The following CRIM1 variants were observed in gnomAD, a reference collection of about 807,000 sequenced individuals.
The protein encoded by CRIM1 is cysteine rich transmembrane BMP regulator 1, also known as cysteine-rich motor neuron 1 protein.
In CRIM1, 32 loss-of-function variants were observed where a neutral mutation model predicts 116.4. The ratio of observed to expected loss-of-function variants is 0.27; its 90% CI spans 0.21 to 0.37. The LOEUF (loss-of-function observed/expected upper bound fraction) is 0.37, where lower values mean the gene tolerates loss of function less well. Among genes scored for constraint, CRIM1 ranks in the 10% least tolerant of loss-of-function variants. The pLI, the probability that CRIM1 is intolerant of heterozygous loss-of-function variation, is 1.00. For missense variants in CRIM1, 1,331 were observed against 1,354.8 expected (o/e 0.98, Z 0.28); for synonymous variants, 590 against 509.2 (o/e 1.16, Z -2.13).
At chr2:36,506,254 C>T (rs147657481) in intron 8 of CRIM1, among the ~76,000 whole-genome samples, 3 of 151,536 alleles carry the variant, frequency 2.0e-5, no homozygotes, top group East Asian at 3.9e-4. Context: ...GTTCACCTAA[C>T]GTGCACATCT....
chr2:36,394,102 G>T (rs1008194808), intron 1 of CRIM1, among the ~76,000 whole-genome samples: 1 of 152,158 alleles, frequency 6.6e-6, no homozygotes, highest in African/African-American at 2.4e-5. Flanking sequence ...AGAATGGTGG[G>T]AAGGGATGTT....
intron 2 of CRIM1, among the ~76,000 whole-genome samples, chr2:36,401,829 C>A (rs1372835052): frequency 6.6e-6 from 1 of 152,174 alleles, no homozygotes; most frequent in Non-Finnish European, 1.5e-5. Flanking sequence ...TTTATTTCAT[C>A]CAGCAAGTAT....
intron 4 of CRIM1, among the ~76,000 whole-genome samples, chr2:36,443,441 A>C (rs545977799): frequency 2.5e-4 from 38 of 152,286 alleles, no homozygotes; most frequent in African/African-American, 8.9e-4. Context: ...TAGGGTTTAC[A>C]GTCTGTTTTC....
chr2:36,529,941 G>T (rs1241856425), intron 13 of CRIM1, among the ~76,000 whole-genome samples: 2 of 152,176 alleles, frequency 1.3e-5, no homozygotes, highest in African/African-American at 4.8e-5. Flanking sequence ...TGCTTTCACA[G>T]CAATTAAGAT....
At chr2:36,508,683 G>A (rs1681596694) in intron 8 of CRIM1, among the ~76,000 whole-genome samples, 1 of 152,098 alleles carries the variant, frequency 6.6e-6, no homozygotes, top group South Asian at 2.1e-4. Context: ...CAACTTGCTT[G>A]CTTTATATAA....
rs750151277 is a variant in CRIM1, at chr2:36,479,671, G to A, written c.1349G>A (p.Gly450Glu). The A allele has an allele frequency of 1.2e-6, 2 of 1,614,162 alleles. No homozygotes were observed. Among genetic ancestry groups the A allele is most frequent in the East Asian group, 2.2e-5 (1 of 44,882 alleles). The change falls in exon 7 of 17, where the codon GGG (glycine) becomes GAG (glutamate). Residue 450 changes from glycine (G) to glutamate (E), a missense_variant. Gly to Glu is a moderately conservative substitution (Grantham distance 98, BLOSUM62 -2). Transcript: ENST00000280527. ...TGCACAAACCCTGTGAAAGTGCCTGGGGAGTGTTGCCCTGTGTGCGAAGGT... is the reference window on the plus strand; with the variant it reads ...TGCACAAACCCTGTGAAAGTGCCTGAGGAGTGTTGCCCTGTGTGCGAAGGT... Reference protein sequence around the residue: ...QTCTNPVKVPGECCPVCEEPT... With the variant: ...QTCTNPVKVPEECCPVCEEPT...
At chr2:36,414,485 C>T (rs1452955495) in intron 2 of CRIM1, among the ~76,000 whole-genome samples, 1 of 152,138 alleles carries the variant, frequency 6.6e-6, no homozygotes, top group African/African-American at 2.4e-5. Flanking sequence ...GCAAACAAGA[C>T]AGATAAGGTT....
At chr2:36,532,304 A>G (rs1436572347) in intron 13 of CRIM1, among the ~76,000 whole-genome samples, 1 of 152,206 alleles carries the variant, frequency 6.6e-6, no homozygotes, top group African/African-American at 2.4e-5. Context: ...GTTTGTTTTA[A>G]AAATAAACGT....
At position 36,548,561 on chromosome 2, in the gene CRIM1, T is replaced by C; in HGVS notation, c.2971T>C (p.Cys991Arg). 1.3e-6 allele frequency: 2 copies of C among 1,599,018 alleles called. No homozygotes were observed. The highest frequency in any genetic ancestry group is 1.7e-6 in the Non-Finnish European group (2 of 1,175,812). Residue 991 changes from cysteine (C) to arginine (R), a missense_variant, in exon 17 of 17, where the codon TGC (cysteine) becomes CGC (arginine). Cys to Arg is a radical substitution (Grantham distance 180, BLOSUM62 -3). This residue lies in a region of CRIM1 where 283 missense variants were observed against 242.8 expected (regional missense o/e 1.17). Transcript: ENST00000280527. ...SLNNQLVSVD[C>R]KKGTRVQVDS... is the part of the protein sequence containing the mutation. Reference sequence around the variant, plus strand: ...AAATAATCAGCTAGTATCTGTGGACTGCAAGAAAGGAACCAGAGTCCAGGT... The same window carrying C: ...AAATAATCAGCTAGTATCTGTGGACCGCAAGAAAGGAACCAGAGTCCAGGT...
chr2:36,537,691 C>T, intron 14 of CRIM1, 145 bp downstream of exon 14: 1 of 884,256 alleles, frequency 1.1e-6, no homozygotes. Context: ...CACCCAAAGA[C>T]CCTATGGGTA....
intron 4 of CRIM1, 23 bp from the exon 5 acceptor site, chr2:36,464,511 C>T (rs1318240081): frequency 6.2e-7 from 1 of 1,613,704 alleles, no homozygotes; most frequent in South Asian, 1.1e-5. Context: ...ATGGGGTTTT[C>T]CTTCCCTTTT....
chr2:36,428,794 C>A (rs531415176), intron 2 of CRIM1, among the ~76,000 whole-genome samples: 2 of 152,192 alleles, frequency 1.3e-5, no homozygotes, highest in African/African-American at 4.8e-5. Flanking sequence ...ATTATTCTTA[C>A]AGTTCATTGT....
intron 13 of CRIM1, among the ~76,000 whole-genome samples, chr2:36,530,636 C>G (rs1208785849): frequency 3.3e-5 from 5 of 152,162 alleles, no homozygotes. Context: ...TTCCCCTATT[C>G]TTGCCCAGGT....
At chr2:36,391,870 C>G (rs1280901545) in intron 1 of CRIM1, among the ~76,000 whole-genome samples, 1 of 151,122 alleles carries the variant, frequency 6.6e-6, no homozygotes, top group Admixed American at 6.6e-5. Context: ...CCAAATTGTG[C>G]TAGTAAGTTA....
intron 2 of CRIM1, among the ~76,000 whole-genome samples, chr2:36,432,563 C>G (rs1233252051): frequency 6.6e-6 from 1 of 152,170 alleles, no homozygotes; most frequent in Non-Finnish European, 1.5e-5. Context: ...CCTTCCACCC[C>G]ACTACCTCCC....
intron 2 of CRIM1, among the ~76,000 whole-genome samples, chr2:36,419,122 A>C (rs1003962903): frequency 6.6e-6 from 1 of 152,238 alleles, no homozygotes; most frequent in Non-Finnish European, 1.5e-5. Context: ...CAATTGGTAG[A>C]GTAGCTGAGT....
At chr2:36,411,136 T>A (rs930358264) in intron 2 of CRIM1, among the ~76,000 whole-genome samples, 3 of 152,228 alleles carry the variant, frequency 2.0e-5, no homozygotes, top group Admixed American at 1.3e-4. Context: ...TTGGTGCCCT[T>A]TGGCATTTTG....
intron 2 of CRIM1, among the ~76,000 whole-genome samples, chr2:36,431,465 A>G (rs912539242): frequency 1.3e-5 from 2 of 152,178 alleles, no homozygotes; most frequent in African/African-American, 2.4e-5. Flanking sequence ...AACACACGAT[A>G]TTCTTTGAAG....
intron 1 of CRIM1, 129 bp from the exon 2 acceptor site, chr2:36,396,485 G>T: frequency 1.8e-6 from 1 of 566,244 alleles, no homozygotes; most frequent in Non-Finnish European, 3.1e-6. Flanking sequence ...GTTTCAGCCA[G>T]ACTGCCTTTC....
Sources: allele counts gnomAD v4.1 joint callset (sites outside exome capture counted in the v4.1 genomes callset), GRCh38; gene constraint gnomAD v4.1.1; regional missense constraint gnomAD v4.1.1; transcripts MANE v1.5; gene names NCBI Gene and HGNC (gene_info 2026-07-23, HGNC 2026-07-21).